PEPD: variants seen among roughly 807,000 people sequenced by gnomAD.
PEPD encodes the protein peptidase D.
In PEPD, 53 loss-of-function variants were observed where a neutral mutation model predicts 60.7. The ratio of observed to expected loss-of-function variants is 0.87; its 90% CI spans 0.70 to 1.10. PEPD has a LOEUF of 1.10. Among genes scored for constraint, PEPD ranks in the 50% least tolerant of loss-of-function variants. The pLI, the probability that PEPD is intolerant of heterozygous loss-of-function variation, is 0.00. For missense variants in PEPD, 711 were observed against 711.9 expected, an observed-to-expected ratio of 1.00 and a Z score of 0.01; for synonymous variants, 267 against 284.1, an observed-to-expected ratio of 0.94 and a Z score of 0.60.
chr19:33,507,708 T>C (rs544922146), intron 3 of PEPD, among the ~76,000 whole-genome samples: 118 of 152,270 alleles, frequency 7.7e-4, no homozygotes, highest in Non-Finnish European at 1.1e-3. Context: ...TGGTGCCCTA[T>C]TGATTCCAGG....
At chr19:33,460,383 C>G (rs1969904078) in intron 9 of PEPD, among the ~76,000 whole-genome samples, 1 of 152,164 alleles carries the variant, frequency 6.6e-6, no homozygotes, top group Non-Finnish European at 1.5e-5. Flanking sequence ...AGCCCACCTC[C>G]CTGGCTGCAG....
At chr19:33,474,811 C>A (rs992089044) in intron 7 of PEPD, among the ~76,000 whole-genome samples, 6 of 152,016 alleles carry the variant, frequency 3.9e-5, no homozygotes, top group African/African-American at 9.7e-5. Flanking sequence ...GAGACCCCAT[C>A]TCTACAAAAA....
chr19:33,460,382 C>A (rs1969904039), intron 9 of PEPD, among the ~76,000 whole-genome samples: 4 of 152,176 alleles, frequency 2.6e-5, no homozygotes, highest in Middle Eastern at 3.2e-3. Context: ...CAGCCCACCT[C>A]CCTGGCTGCA....
chr19:33,455,577 A>C (rs1349309530), intron 9 of PEPD, among the ~76,000 whole-genome samples: 1 of 151,846 alleles, frequency 6.6e-6, no homozygotes, highest in Non-Finnish European at 1.5e-5. Flanking sequence ...ATCATAGCTA[A>C]CTGCCGCCTT....
chr19:33,460,756 G>A (rs1249757074), intron 9 of PEPD, among the ~76,000 whole-genome samples: 1 of 152,190 alleles, frequency 6.6e-6, no homozygotes, highest in Non-Finnish European at 1.5e-5. Flanking sequence ...TCAGCACCCT[G>A]TGGGAGGCTG....
At chr19:33,440,887 C>A (rs774008294) in intron 9 of PEPD, among the ~76,000 whole-genome samples, 3 of 152,138 alleles carry the variant, frequency 2.0e-5, no homozygotes, top group Non-Finnish European at 2.9e-5. Context: ...CACTGGCAGG[C>A]TGGAAATGAC....
chr19:33,427,761 C>T (rs969957663), intron 9 of PEPD, among the ~76,000 whole-genome samples: 3 of 152,152 alleles, frequency 2.0e-5, no homozygotes, highest in African/African-American at 7.2e-5. Flanking sequence ...ATACATTATA[C>T]GAAGCCAATA....
chr19:33,447,730 C>T (rs1168101231), intron 9 of PEPD, among the ~76,000 whole-genome samples: 1 of 152,180 alleles, frequency 6.6e-6, no homozygotes, highest in Non-Finnish European at 1.5e-5. Flanking sequence ...GATGCTTCCT[C>T]ACCCTACTCT....
At chr19:33,439,756 G>A (rs575329155) in intron 9 of PEPD, among the ~76,000 whole-genome samples, 3 of 152,318 alleles carry the variant, frequency 2.0e-5, no homozygotes, top group East Asian at 1.9e-4. Flanking sequence ...TGGCACCCCC[G>A]ACTGTCAGCC....
At chr19:33,503,446 C>T (rs888314483) in intron 3 of PEPD, among the ~76,000 whole-genome samples, 2 of 152,202 alleles carry the variant, frequency 1.3e-5, no homozygotes, top group Non-Finnish European at 2.9e-5. Context: ...AGGTCTGACA[C>T]CTCCATTAGC....
At chr19:33,420,246 T>TATGTAC (rs924246697) in intron 9 of PEPD, among the ~76,000 whole-genome samples, 1 of 152,226 alleles carries the variant, frequency 6.6e-6, no homozygotes, top group Non-Finnish European at 1.5e-5. Context: ...TTATGTTTTA[T>TATGTAC]ATGTACATGG....
intron 3 of PEPD, among the ~76,000 whole-genome samples, chr19:33,504,030 A>T (rs1188992251): frequency 6.6e-6 from 1 of 152,238 alleles, no homozygotes; most frequent in Non-Finnish European, 1.5e-5. Flanking sequence ...TTCTCAACAG[A>T]AGAGCCATTC....
rs559331236 is a variant in PEPD, at chr19:33,491,423, C to T, written c.442-1366G>A. Reference sequence around the variant, plus strand: ...CAAGATCGCTCCACTGCACTCTAGCCGGGCAACAAGAGCAAAACTCCATGT... The same window carrying T: ...CAAGATCGCTCCACTGCACTCTAGCTGGGCAACAAGAGCAAAACTCCATGT... On this transcript the variant is annotated intron_variant, in intron 5 of 14. Transcript: ENST00000244137. Among the ~76,000 whole-genome samples the T allele has an allele frequency of 1.8e-4, 28 of 152,240 alleles. No individual in the cohort carries two copies. In the South Asian group the frequency reaches 2.9e-3, roughly 16 times the overall value.
intron 9 of PEPD, among the ~76,000 whole-genome samples, chr19:33,427,958 A>AC (rs1329204543): frequency 6.6e-6 from 1 of 151,872 alleles, no homozygotes; most frequent in Non-Finnish European, 1.5e-5. Flanking sequence ...GGCAACCCAT[A>AC]CCCCCGTCCT....
intron 9 of PEPD, among the ~76,000 whole-genome samples, chr19:33,456,127 A>T (rs1969794539): frequency 6.6e-6 from 1 of 152,120 alleles, no homozygotes; most frequent in Non-Finnish European, 1.5e-5. Flanking sequence ...GCTTTAAGCC[A>T]CAGGGTCCCA....
At chr19:33,503,366 T>G (rs1970745786) in intron 3 of PEPD, among the ~76,000 whole-genome samples, 1 of 152,236 alleles carries the variant, frequency 6.6e-6, no homozygotes, top group Admixed American at 6.5e-5. Context: ...CTCCTGCTGT[T>G]AATTAAATTT....
chr19:33,418,708 T>C (rs1568461569), intron 9 of PEPD, among the ~76,000 whole-genome samples: 1 of 152,186 alleles, frequency 6.6e-6, no homozygotes, highest in Non-Finnish European at 1.5e-5. Context: ...GAGCAGGTAC[T>C]GGGACTTGGC....
intron 9 of PEPD, among the ~76,000 whole-genome samples, chr19:33,430,777 T>C (rs1969254385): frequency 6.6e-6 from 1 of 152,106 alleles, no homozygotes; most frequent in Non-Finnish European, 1.5e-5. Flanking sequence ...CCTGATGTGT[T>C]CTGCCCAGTG....
intron 9 of PEPD, among the ~76,000 whole-genome samples, chr19:33,442,542 TAAAA>T (rs1568473484): frequency 1.2e-4 from 12 of 97,182 alleles, no homozygotes; most frequent in African/African-American, 1.6e-4. Context: ...CTACTAAAAA[TAAAA>T]TAAAAAAAAA....
Sources: gnomAD v4.1 joint callset for allele counts (sites outside exome capture counted in the v4.1 genomes callset) on GRCh38, gnomAD v4.1.1 for gene constraint, MANE v1.5 for transcripts, NCBI Gene and HGNC (gene_info 2026-07-23, HGNC 2026-07-21) for gene names.